PTPRD: variants seen among roughly 807,000 people sequenced by gnomAD.
The protein encoded by PTPRD is receptor-type tyrosine-protein phosphatase delta.
Under a neutral mutation model 214.5 loss-of-function variants are expected in PTPRD, and 34 were observed. That is an observed-to-expected ratio of 0.16 (90% CI 0.12 to 0.21). The LOEUF (loss-of-function observed/expected upper bound fraction) is 0.21, where lower values mean the gene tolerates loss of function less well. Among genes scored for constraint, PTPRD ranks in the 10% least tolerant of loss-of-function variants. The probability of loss-of-function intolerance (pLI) is 1.00; values close to 1 mark genes in which losing one functional copy is unlikely to be tolerated. For synonymous variants in PTPRD, 1,128 were observed against 845.7 expected, an observed-to-expected ratio of 1.33 and a Z score of -5.79; for missense variants, 2,545 against 2,398.7, an observed-to-expected ratio of 1.06 and a Z score of -1.27.
At chr9:9,901,514 GAATT>G (rs2076391268) in intron 5 of PTPRD, among the ~76,000 whole-genome samples, 1 of 151,816 alleles carries the variant, frequency 6.6e-6, no homozygotes, top group African/African-American at 2.4e-5. Context: ...AAATATCTAA[GAATT>G]AACAGTTGCT....
At chr9:10,566,295 C>G (rs545469688) in intron 2 of PTPRD, among the ~76,000 whole-genome samples, 12 of 151,814 alleles carry the variant, frequency 7.9e-5, no homozygotes, top group Non-Finnish European at 1.8e-4. Context: ...CTAGAATTTG[C>G]TGGATTGTAG....
chr9:10,151,163 C>A (rs1398628892), intron 3 of PTPRD, among the ~76,000 whole-genome samples: 4 of 144,926 alleles, frequency 2.8e-5, no homozygotes, highest in Non-Finnish European at 4.5e-5. Context: ...GGAGTTCAAG[C>A]GATTCTCCTT....
intron 8 of PTPRD, among the ~76,000 whole-genome samples, chr9:9,411,977 G>A (rs2075580550): frequency 6.6e-6 from 1 of 152,220 alleles, no homozygotes; most frequent in African/African-American, 2.4e-5. Context: ...AAAGGTCAGT[G>A]AAGGATGCCA....
At chr9:10,035,111 A>G (rs1477891169) in intron 3 of PTPRD, among the ~76,000 whole-genome samples, 2 of 152,128 alleles carry the variant, frequency 1.3e-5, no homozygotes, top group Non-Finnish European at 2.9e-5. Flanking sequence ...CCTTGCCAGC[A>G]TGTATTATTT....
intron 22 of PTPRD, among the ~76,000 whole-genome samples, 169 bp from the exon 23 acceptor site, chr9:8,504,574 T>C (rs752402841): frequency 1.3e-5 from 2 of 152,188 alleles, no homozygotes; most frequent in Non-Finnish European, 2.9e-5. Flanking sequence ...AATTATATAA[T>C]GAAAATATCA....
chr9:9,614,435 A>C (rs1488207019), intron 7 of PTPRD, among the ~76,000 whole-genome samples: 1 of 152,194 alleles, frequency 6.6e-6, no homozygotes, highest in Non-Finnish European at 1.5e-5. Flanking sequence ...CTCACAATAT[A>C]TCAATGCAAT....
At chr9:8,361,103 C>T (rs1281698897) in intron 39 of PTPRD, among the ~76,000 whole-genome samples, 2 of 152,080 alleles carry the variant, frequency 1.3e-5, no homozygotes, top group Admixed American at 6.5e-5. Context: ...ATTATGAATG[C>T]GTCAGATTAA....
At position 9,657,054 on chromosome 9, in the gene PTPRD, T is replaced by C. The variant is rs528904558; in HGVS notation, c.-287+77479A>G. 2.0e-5 allele frequency among the ~76,000 whole-genome samples: 3 copies of C among 152,244 alleles called. No individual in the cohort carries two copies. In the East Asian group the frequency reaches 5.8e-4, roughly 29 times the overall value. On this transcript the variant is annotated intron_variant, in intron 7 of 45. Transcript: ENST00000381196. ...ACTCAATAAATAACAACCACTTGAATAGTTAATAATGTTAAATCCCAAACA... is the reference window on the plus strand; with the variant it reads ...ACTCAATAAATAACAACCACTTGAACAGTTAATAATGTTAAATCCCAAACA...
intron 3 of PTPRD, among the ~76,000 whole-genome samples, chr9:10,268,742 T>C (rs1020985236): frequency 6.6e-6 from 1 of 152,204 alleles, no homozygotes; most frequent in Non-Finnish European, 1.5e-5. Context: ...TTAACCACAA[T>C]GTTGAACAAC....
intron 37 of PTPRD, among the ~76,000 whole-genome samples, chr9:8,380,884 A>C (rs2084853709): frequency 6.6e-6 from 1 of 152,078 alleles, no homozygotes; most frequent in Non-Finnish European, 1.5e-5. Flanking sequence ...TTATTTTTAA[A>C]TTGTCTACCA....
chr9:8,991,687 T>C (rs2099367521), intron 11 of PTPRD, among the ~76,000 whole-genome samples: 1 of 152,182 alleles, frequency 6.6e-6, no homozygotes, highest in South Asian at 2.1e-4. Flanking sequence ...ATTAGTTCTG[T>C]GCAATTTGCC....
chr9:10,205,594 A>G (rs1365254297), intron 3 of PTPRD, among the ~76,000 whole-genome samples: 1 of 151,842 alleles, frequency 6.6e-6, no homozygotes, highest in Non-Finnish European at 1.5e-5. Context: ...TTTAGTAAAG[A>G]CAGTGTTTCC....
At chr9:9,754,413 C>G (rs1431532613) in intron 6 of PTPRD, among the ~76,000 whole-genome samples, 1 of 152,038 alleles carries the variant, frequency 6.6e-6, no homozygotes, top group Non-Finnish European at 1.5e-5. Flanking sequence ...TTTATTCTGA[C>G]TTAGTCACTG....
chr9:10,125,015 A>T (rs909237703), intron 3 of PTPRD, among the ~76,000 whole-genome samples: 2 of 152,218 alleles, frequency 1.3e-5, no homozygotes, highest in Admixed American at 6.5e-5. Flanking sequence ...GTAAAAATAC[A>T]TCAAAGCAAT....
intron 11 of PTPRD, among the ~76,000 whole-genome samples, chr9:8,931,870 ACTT>A (rs1567079404): frequency 6.6e-6 from 1 of 151,764 alleles, no homozygotes; most frequent in Non-Finnish European, 1.5e-5. Flanking sequence ...CAGGGATTCG[ACTT>A]CTTCTTGGTT....
rs547810511 is a variant in PTPRD, at chr9:8,838,147, C to G, written c.-103-104201G>C. On this transcript the variant is annotated intron_variant, in intron 11 of 45. Coordinates refer to ENST00000381196, the MANE Select transcript of PTPRD (RefSeq NM_002839.4). The stretch of plus-strand genomic sequence containing the variant: ...ATAATTGAAAGGTTATGATGACTGA[C>G]TTAATCACAGATGTATAAAAAAATT... Among the ~76,000 whole-genome samples the G allele has an allele frequency of 5.1e-4, 78 of 151,958 alleles. 1 individual carries two copies. Among genetic ancestry groups the G allele is most frequent in the African/African-American group, 1.8e-3 (75 of 41,442 alleles).
intron 10 of PTPRD, among the ~76,000 whole-genome samples, chr9:9,089,621 A>G (rs1260919121): frequency 6.6e-6 from 1 of 152,118 alleles, no homozygotes; most frequent in Admixed American, 6.5e-5. Context: ...ACTTTCCTCT[A>G]TTTCTTCTAA....
chr9:9,959,008 C>G (rs1410578405), intron 4 of PTPRD, among the ~76,000 whole-genome samples: 1 of 152,146 alleles, frequency 6.6e-6, no homozygotes, highest in Non-Finnish European at 1.5e-5. Flanking sequence ...GGTATAAACC[C>G]TGTTGTTTCT....
intron 9 of PTPRD, among the ~76,000 whole-genome samples, chr9:9,300,135 C>A (rs1954728476): frequency 6.6e-6 from 1 of 150,892 alleles, no homozygotes; most frequent in Admixed American, 6.7e-5. Flanking sequence ...AATCCATGAG[C>A]TACATGGTAC....
Sources: gnomAD v4.1 joint callset for allele counts (sites outside exome capture counted in the v4.1 genomes callset) on GRCh38, gnomAD v4.1.1 for gene constraint, MANE v1.5 for transcripts, NCBI Gene and HGNC (gene_info 2026-07-23, HGNC 2026-07-21) for gene names.